RSAD2: variants seen among roughly 807,000 people sequenced by gnomAD.
RSAD2 encodes radical S-adenosyl methionine domain containing 2.
RSAD2 carries 38 observed loss-of-function variants against 37.7 expected under a neutral mutation model. The ratio of observed to expected loss-of-function variants is 1.01; its 90% CI spans 0.78 to 1.32. The LOEUF (loss-of-function observed/expected upper bound fraction) is 1.32, where lower values mean the gene tolerates loss of function less well. Ranked by LOEUF, RSAD2 falls within the 40% of genes most tolerant of loss-of-function variation. RSAD2 has a pLI of 0.00. For missense variants in RSAD2, 428 were observed against 437.5 expected (o/e 0.98, Z 0.19); for synonymous variants, 163 against 157.4 (o/e 1.04, Z -0.27).
In RSAD2 at chr2:6,878,018, C is replaced by T. The variant is rs754434037; in HGVS notation, c.218C>T (p.Thr73Ile). The part of the protein sequence containing the change: ...EEDPPLPTTP[T>I]SVNYHFTRQC... ...GACCCTCCTCTGCCCACCACCCCAACCAGCGTCAACTATCACTTCACTCGC... is the reference window on the plus strand; with the variant it reads ...GACCCTCCTCTGCCCACCACCCCAATCAGCGTCAACTATCACTTCACTCGC... The change falls in exon 1 of 6, where the codon ACC (threonine) becomes ATC (isoleucine). Residue 73 changes from threonine to isoleucine, a missense_variant. By Grantham distance (89) the Thr-to-Ile change is moderately conservative (BLOSUM62 -1). Coordinates refer to ENST00000382040, the MANE Select transcript of RSAD2 (RefSeq NM_080657.5). 1 of 1,614,210 alleles carries T rather than the reference C, an allele frequency of 6.2e-7. No individual in the cohort carries two copies. Among genetic ancestry groups the T allele is most frequent in the East Asian group, 2.2e-5 (1 of 44,880 alleles).
rs1306184638 is a variant in RSAD2, at chr2:6,878,020, A to G, written c.220A>G (p.Ser74Gly). ...EDPPLPTTPT[S>G]VNYHFTRQCN... ...CCCTCCTCTGCCCACCACCCCAACCAGCGTCAACTATCACTTCACTCGCCA... is the reference window on the plus strand; with the variant it reads ...CCCTCCTCTGCCCACCACCCCAACCGGCGTCAACTATCACTTCACTCGCCA... The change falls in exon 1 of 6, where the codon AGC becomes GGC. Residue 74 changes from serine (S) to glycine (G), a missense_variant. Coordinates refer to ENST00000382040, the MANE Select transcript of RSAD2 (RefSeq NM_080657.5). 3 of 1,614,166 alleles carry G rather than the reference A, an allele frequency of 1.9e-6. No individual in the cohort carries two copies. Among genetic ancestry groups the G allele is most frequent in the Non-Finnish European group, 2.5e-6 (3 of 1,180,012 alleles).
intron 4 of RSAD2, among the ~76,000 whole-genome samples, chr2:6,893,267 A>G (rs1307007357): frequency 1.3e-5 from 2 of 152,184 alleles, no homozygotes; most frequent in Non-Finnish European, 2.9e-5. Context: ...CCAAAAAAAT[A>G]GCATTCAAGA....
At chr2:6,872,656 A>T (rs1663220245) in intron 1 of RSAD2, among the ~76,000 whole-genome samples, 1 of 152,212 alleles carries the variant, frequency 6.6e-6, no homozygotes, top group Admixed American at 6.5e-5. Flanking sequence ...CAGAGAAGAA[A>T]GTCTAAGCAT....
At chr2:6,874,112 G>C (rs2103236806), upstream of RSAD2, among the ~76,000 whole-genome samples, 1 of 152,254 alleles carries the variant, frequency 6.6e-6, no homozygotes, top group East Asian at 1.9e-4. Context: ...TCGTTTAAAA[G>C]TGTGTAGCGC....
chr2:6,880,890 T>C (rs2103241256), intron 1 of RSAD2, among the ~76,000 whole-genome samples: 1 of 152,024 alleles, frequency 6.6e-6, no homozygotes, highest in Non-Finnish European at 1.5e-5. Flanking sequence ...AATATATTAT[T>C]TACTTTCCTG....
intron 1 of RSAD2, 21 bp downstream of exon 1, chr2:6,878,167 A>C: frequency 6.3e-7 from 1 of 1,591,856 alleles, no homozygotes. Flanking sequence ...GGTCCTAGAC[A>C]GAAATCAGGA....
chr2:6,873,217 T>C (rs995041414), upstream of RSAD2, among the ~76,000 whole-genome samples: 3 of 152,186 alleles, frequency 2.0e-5, no homozygotes, highest in African/African-American at 7.2e-5. Context: ...GATTTTACAC[T>C]CTTGGCTTTT....
chr2:6,886,074 T>G lies in RSAD2; in HGVS notation c.509-861T>G, dbSNP rs896885774. Among the ~76,000 whole-genome samples the G allele has an allele frequency of 3.9e-5, 6 of 152,294 alleles. No individual in the cohort carries two copies. In the South Asian group the frequency reaches 1.0e-3, roughly 26 times the overall value. On this transcript the variant is annotated intron_variant, in intron 2 of 5. Coordinates refer to ENST00000382040, the MANE Select transcript of RSAD2 (RefSeq NM_080657.5). ...ATTTCCAGCTTCTATAATTTGAAAG[T>G]AATTTTAAGAAAAAGAGTCGACTCT...
upstream of RSAD2, chr2:6,877,751 AAG>A (rs747799019): frequency 5.1e-5 from 73 of 1,432,066 alleles, no homozygotes; most frequent in Non-Finnish European, 6.4e-5. Flanking sequence ...TCCCTATATA[AAG>A]AGAGTCCCTG....
rs1266102031 is a variant in RSAD2 at position 6,896,435 on chromosome 2, A to ACAGAGTCAG, written c.*494_*502dup. The ACAGAGTCAG allele has an allele frequency of 4.6e-5, 7 of 152,318 alleles. No homozygotes were observed. The highest frequency in any genetic ancestry group is 1.7e-4 in the African/African-American group (7 of 41,534). The allele number at this position is 152,318 out of a possible 1,614,324, so 9.4% of individuals were successfully genotyped here. A position where few individuals can be genotyped will look rare whatever the true frequency, so the allele number is the denominator to read the frequency against. On this transcript the variant is annotated 3_prime_UTR_variant, in exon 6 of 6. Coordinates refer to ENST00000382040, the MANE Select transcript of RSAD2 (RefSeq NM_080657.5). ...TTCTTGTTCCAGGTTTGTTCATTTG[A>ACAGAGTCAG]CAGAGTCAGTATTTTTTGCCAAATA... is the stretch of plus-strand genomic sequence containing the variant.
At chr2:6,892,783 T>A (rs1443466351) in intron 4 of RSAD2, among the ~76,000 whole-genome samples, 2 of 152,232 alleles carry the variant, frequency 1.3e-5, no homozygotes, top group Admixed American at 1.3e-4. Flanking sequence ...ATAGCAGGTC[T>A]GCTCCCATCC....
intron 5 of RSAD2, among the ~76,000 whole-genome samples, chr2:6,895,147 G>T (rs1663714378): frequency 6.6e-6 from 1 of 152,170 alleles, no homozygotes; most frequent in African/African-American, 2.4e-5. Flanking sequence ...AAATGAAAAT[G>T]GATGGAATAA....
At position 6,886,872 on chromosome 2, in the gene RSAD2, C is replaced by G. The variant is rs980310767; in HGVS notation, c.509-63C>G. 7 of 1,221,348 alleles carry G rather than the reference C, an allele frequency of 5.7e-6. No homozygotes were observed. In the African/African-American group the frequency reaches 9.1e-5, roughly 16 times the overall value. The allele number at this position is 1,221,348 out of a possible 1,614,324, so 75.7% of individuals were successfully genotyped here. A position where few individuals can be genotyped will look rare whatever the true frequency, so the allele number is the denominator to read the frequency against. On this transcript the variant is annotated intron_variant, in intron 2 of 5. Transcript: ENST00000382040. The stretch of plus-strand genomic sequence containing the variant: ...CAAGATATATTTTATCACAAGAGAT[C>G]TAAATAGCCCAAGGGGCTTGGTCCT...
intron 1 of RSAD2, among the ~76,000 whole-genome samples, chr2:6,866,817 A>C (rs918008497): frequency 2.1e-4 from 7 of 34,000 alleles, no homozygotes; most frequent in African/African-American, 3.3e-4. Flanking sequence ...ATGAGCTGAA[A>C]GCAGTTTTTT....
intron 1 of RSAD2, among the ~76,000 whole-genome samples, chr2:6,881,290 TCA>T (rs1663395188): frequency 6.6e-6 from 1 of 152,182 alleles, no homozygotes; most frequent in Non-Finnish European, 1.5e-5. Flanking sequence ...ATATAATGCC[TCA>T]CTGTCCAATC....
rs1663311836 is a variant in RSAD2, at chr2:6,877,794, T to A, written c.-7T>A. The A allele has an allele frequency of 6.2e-7, 1 of 1,610,930 alleles. No homozygotes were observed. Among genetic ancestry groups the A allele is most frequent in the Non-Finnish European group, 8.5e-7 (1 of 1,178,098 alleles). On this transcript the variant is annotated 5_prime_UTR_variant, in exon 1 of 6. Coordinates refer to ENST00000382040, the MANE Select transcript of RSAD2 (RefSeq NM_080657.5). ...CAGAGACTGCTCTGCTCCAGGCATC[T>A]GCCACAATGTGGGTGCTTACACCTG...
intron 1 of RSAD2, among the ~76,000 whole-genome samples, chr2:6,870,847 A>G (rs1663191457): frequency 1.3e-5 from 2 of 152,206 alleles, no homozygotes; most frequent in East Asian, 1.9e-4. Context: ...TGAGTAGGCC[A>G]TGCTTTCAGT....
In RSAD2 at chr2:6,888,039, C is replaced by T. The variant is rs1663557270; in HGVS notation, c.738+875C>T. On this transcript the variant is annotated intron_variant, in intron 3 of 5. Transcript: ENST00000382040. Reference sequence around the variant, plus strand: ...GCTTCATATAGGAGGAAGCATTTGGCTATGCTCTGAAAAATGGAAAGAATT... The same window carrying T: ...GCTTCATATAGGAGGAAGCATTTGGTTATGCTCTGAAAAATGGAAAGAATT... 2.6e-5 allele frequency among the ~76,000 whole-genome samples: 4 copies of T among 152,196 alleles called. No homozygotes were observed. In the South Asian group the frequency reaches 8.3e-4, roughly 31 times the overall value.
chr2:6,892,340 G>C (rs1663650731), intron 4 of RSAD2, among the ~76,000 whole-genome samples: 1 of 152,174 alleles, frequency 6.6e-6, no homozygotes, highest in Non-Finnish European at 1.5e-5. Flanking sequence ...AAAAAGAAGA[G>C]AAAGGGGGTA....
Sources: gnomAD v4.1 joint callset for allele counts (sites outside exome capture counted in the v4.1 genomes callset) on GRCh38, gnomAD v4.1.1 for gene constraint, MANE v1.5 for transcripts, NCBI Gene and HGNC (gene_info 2026-07-23, HGNC 2026-07-21) for gene names.